Variants in NFATC2 observed in about 807,000 individuals in gnomAD.
NFATC2 encodes nuclear factor of activated T cells 2.
NFATC2 carries 22 observed loss-of-function variants against 87.3 expected under a neutral mutation model. That is an observed-to-expected ratio of 0.25 (90% CI 0.18 to 0.36). The LOEUF (loss-of-function observed/expected upper bound fraction) is 0.36, where lower values mean the gene tolerates loss of function less well. NFATC2 is among the 10% of genes least tolerant of loss of function. The pLI, the probability that NFATC2 is intolerant of heterozygous loss-of-function variation, is 1.00. For synonymous variants in NFATC2, 565 were observed against 542.2 expected, an observed-to-expected ratio of 1.04 and a Z score of -0.58; for missense variants, 1,149 against 1,259.1, an observed-to-expected ratio of 0.91 and a Z score of 1.32.
intron 4 of NFATC2, among the ~76,000 whole-genome samples, chr20:51,475,123 C>A (rs2146515930): frequency 6.6e-6 from 1 of 152,058 alleles, no homozygotes. Flanking sequence ...CGCCCGCCAC[C>A]ATACCCAGCT....
intron 6 of NFATC2, among the ~76,000 whole-genome samples, chr20:51,441,455 A>G (rs1984323580): frequency 1.4e-5 from 2 of 147,282 alleles, no homozygotes; most frequent in Admixed American, 6.8e-5. Context: ...GTGGCTCATG[A>G]CTGTAATCCC....
rs767483135 is a variant in NFATC2 at position 51,398,716 on chromosome 20, G to T, written c.2737C>A (p.His913Asn). Residue 913 changes from histidine (H) to asparagine (N), a missense_variant, in exon 10 of 11, where the codon CAC (histidine) becomes AAC (asparagine). Physicochemically the swap from His to Asn is moderately conservative, Grantham distance 68. Around this residue, in one of 3 missense-constraint regions of NFATC2, gnomAD observed 581 missense variants for 649.7 expected, o/e 0.89. Coordinates refer to ENST00000371564, the MANE Select transcript of NFATC2 (RefSeq NM_012340.5). Reference protein sequence around the residue: ...TYLDDELIDTHLSWIQNIL With the variant: ...TYLDDELIDTNLSWIQNIL Reference sequence around the variant, plus strand: ...AATATGTTTTGTATCCAGCTAAGGTGTGTGTCTATCAGCTCTGAAAAAGAT... The same window carrying T: ...AATATGTTTTGTATCCAGCTAAGGTTTGTGTCTATCAGCTCTGAAAAAGAT... The T allele has an allele frequency of 2.2e-5, 35 of 1,611,856 alleles. No individual in the cohort carries two copies. In the South Asian group the frequency reaches 3.7e-4, roughly 17 times the overall value.
intron 9 of NFATC2, among the ~76,000 whole-genome samples, chr20:51,423,558 A>G (rs537405298): frequency 6.6e-6 from 1 of 152,276 alleles, no homozygotes; most frequent in Non-Finnish European, 1.5e-5. Flanking sequence ...TATGATGCTG[A>G]CCTACCCATA....
At chr20:51,442,321 A>T (rs1984455169) in intron 6 of NFATC2, among the ~76,000 whole-genome samples, 1 of 152,160 alleles carries the variant, frequency 6.6e-6, no homozygotes, top group Admixed American at 6.5e-5. Flanking sequence ...AATTCCAGCT[A>T]CTCAGGAGGC....
chr20:51,521,866 T>G (rs942970105), intron 2 of NFATC2, among the ~76,000 whole-genome samples: 4 of 152,018 alleles, frequency 2.6e-5, no homozygotes, highest in African/African-American at 9.7e-5. Context: ...ACATAGAGAG[T>G]GCAATTCATC....
chr20:51,397,333 G>T (rs999072601), intron 10 of NFATC2, among the ~76,000 whole-genome samples: 1 of 152,194 alleles, frequency 6.6e-6, no homozygotes, highest in South Asian at 2.1e-4. Context: ...TCAGTGAAAA[G>T]AACATAAAAC....
intron 5 of NFATC2, among the ~76,000 whole-genome samples, chr20:51,464,955 C>T (rs1200509756): frequency 6.6e-6 from 1 of 152,242 alleles, no homozygotes. Context: ...GTACTTGACA[C>T]ACAGCAGATG....
intron 1 of NFATC2, among the ~76,000 whole-genome samples, chr20:51,538,346 C>A (rs963976347): frequency 1.3e-5 from 2 of 151,720 alleles, no homozygotes; most frequent in African/African-American, 2.4e-5. Flanking sequence ...GCTAAAAAAG[C>A]CTTTGATATA....
chr20:51,433,321 A>G (rs1443912811), intron 8 of NFATC2, among the ~76,000 whole-genome samples: 1 of 152,234 alleles, frequency 6.6e-6, no homozygotes, highest in Admixed American at 6.5e-5. Flanking sequence ...GGAATCAGCA[A>G]AGTGACTGTT....
In NFATC2 at chr20:51,540,663, T is replaced by TTGTTTTTTTGTTTG. The variant is rs1555818356; in HGVS notation, c.130+1706_130+1707insCAAACAAAAAAACA. ...AAAACTGAAGTTTTTTTTTTGTTTT[T>TTGTTTTTTTGTTTG]TTTTTTTTGAGAAAACAGATTCCAG... On this transcript the variant is annotated intron_variant, in intron 1 of 10. Coordinates refer to ENST00000371564, the MANE Select transcript of NFATC2 (RefSeq NM_012340.5). Among the ~76,000 whole-genome samples, 245 of 135,776 alleles carry TTGTTTTTTTGTTTG rather than the reference T, an allele frequency of 1.8e-3. 11 individuals are homozygous for TTGTTTTTTTGTTTG. Among genetic ancestry groups the TTGTTTTTTTGTTTG allele is most frequent in the African/African-American group, 4.6e-3 (161 of 35,240 alleles). The allele number at this position is 135,776 out of a possible 152,430, so 89.1% of individuals were successfully genotyped here.
intron 9 of NFATC2, among the ~76,000 whole-genome samples, chr20:51,424,541 G>A (rs1428981693): frequency 6.6e-6 from 1 of 152,178 alleles, no homozygotes; most frequent in Non-Finnish European, 1.5e-5. Context: ...CATTATAAGT[G>A]ACTTGGCCAA....
intron 9 of NFATC2, among the ~76,000 whole-genome samples, chr20:51,428,893 C>T (rs533496769): frequency 2.0e-5 from 3 of 152,338 alleles, no homozygotes; most frequent in Non-Finnish European, 2.9e-5. Context: ...CAGCACAGCA[C>T]GCTGGGGTTT....
Position 51,513,967 on chromosome 20 carries a change from C to T in NFATC2, c.1332+2817G>A, listed in dbSNP as rs150945729. Among the ~76,000 whole-genome samples the T allele has an allele frequency of 3.7e-3, 559 of 152,346 alleles. 1 individual carries two copies. Among genetic ancestry groups the T allele is most frequent in the Non-Finnish European group, 6.3e-3 (431 of 68,032 alleles). On this transcript the variant is annotated intron_variant, in intron 3 of 10. Transcript: ENST00000371564. ...GTGCTGCAAATAGAGCTTGCGGTATCCAAATCCCAGCTCCACCATTTAATA... is the reference window on the plus strand; with the variant it reads ...GTGCTGCAAATAGAGCTTGCGGTATTCAAATCCCAGCTCCACCATTTAATA...
chr20:51,448,053 A>G (rs541508125), intron 6 of NFATC2, among the ~76,000 whole-genome samples: 1 of 152,360 alleles, frequency 6.6e-6, no homozygotes, highest in East Asian at 1.9e-4. Context: ...AGCACCTGCT[A>G]TGTGCCGGGG....
At chr20:51,434,899 C>T (rs758923140) in intron 8 of NFATC2, among the ~76,000 whole-genome samples, 35 of 152,264 alleles carry the variant, frequency 2.3e-4, no homozygotes, top group African/African-American at 7.9e-4. Context: ...GCTGAACATG[C>T]GTACACACAC....
At position 51,532,642 on chromosome 20, in the gene NFATC2, G is replaced by T. The variant is rs1406010601; in HGVS notation, c.131-8532C>A. ...GAGCCTGTTGCTCACCCTCGCAGAC[G>T]GACACACAGCCAAGTCTGAGGTGGC... On this transcript the variant is annotated intron_variant, in intron 1 of 10. Coordinates refer to ENST00000371564, the MANE Select transcript of NFATC2 (RefSeq NM_012340.5). Among the ~76,000 whole-genome samples, 5 of 152,314 alleles carry T rather than the reference G, an allele frequency of 3.3e-5. No individual in the cohort carries two copies. In the East Asian group the frequency reaches 7.7e-4, roughly 23 times the overall value.
chr20:51,454,789 C>A, intron 5 of NFATC2, 101 bp from the exon 6 acceptor site: 1 of 1,263,698 alleles, frequency 7.9e-7, no homozygotes, highest in South Asian at 1.4e-5. Context: ...GCTCTGCCCA[C>A]CTGTGTCACC....
intron 3 of NFATC2, among the ~76,000 whole-genome samples, chr20:51,481,783 C>T (rs977529236): frequency 5.3e-5 from 8 of 152,164 alleles, no homozygotes; most frequent in African/African-American, 1.7e-4. Context: ...TGAGGAATGA[C>T]GTGTGATTTA....
chr20:51,466,882 G>A (rs1987736977), intron 5 of NFATC2, among the ~76,000 whole-genome samples: 1 of 152,064 alleles, frequency 6.6e-6, no homozygotes, highest in Non-Finnish European at 1.5e-5. Flanking sequence ...GACCAGCCTG[G>A]TCAACATGGT....
Sources: allele counts gnomAD v4.1 joint callset (sites outside exome capture counted in the v4.1 genomes callset), GRCh38; gene constraint gnomAD v4.1.1; regional missense constraint gnomAD v4.1.1; transcripts MANE v1.5; gene names NCBI Gene and HGNC (gene_info 2026-07-23, HGNC 2026-07-21).